The following TYW1B variants were observed in gnomAD, a reference collection of about 807,000 sequenced individuals.
TYW1B encodes the protein S-adenosyl-L-methionine-dependent tRNA 4-demethylwyosine synthase TYW1B.
Under a neutral mutation model 86.9 loss-of-function variants are expected in TYW1B, and 73 were observed. That is an observed-to-expected ratio of 0.84 (90% CI 0.70 to 1.02). The LOEUF (loss-of-function observed/expected upper bound fraction) is 1.02, where lower values mean the gene tolerates loss of function less well. Ranked by LOEUF, TYW1B falls within the 50% of genes least tolerant of loss-of-function variation. The probability of loss-of-function intolerance (pLI) is 0.00; values close to 1 mark genes in which losing one functional copy is unlikely to be tolerated. For missense variants in TYW1B, 637 were observed against 827.4 expected (o/e 0.77, Z 2.82); for synonymous variants, 248 against 292.8 (o/e 0.85, Z 1.56).
chr7:72,765,008 A>C (rs1787747603), intron 7 of TYW1B, among the ~76,000 whole-genome samples: 1 of 152,318 alleles, frequency 6.6e-6, no homozygotes, highest in African/African-American at 2.4e-5. Flanking sequence ...ATTTATATAA[A>C]TTCAATAAAA....
intron 13 of TYW1B, among the ~76,000 whole-genome samples, chr7:72,609,981 T>C (rs1435218793): frequency 1.3e-5 from 2 of 152,180 alleles, no homozygotes; most frequent in Non-Finnish European, 1.5e-5. Context: ...GAAGGGTATC[T>C]TGAATTTTAA....
At chr7:72,712,733 T>G (rs1380869463) in intron 10 of TYW1B, among the ~76,000 whole-genome samples, 1 of 152,180 alleles carries the variant, frequency 6.6e-6, no homozygotes, top group Non-Finnish European at 1.5e-5. Flanking sequence ...TCCTGCTGCT[T>G]CTTGTCTCCC....
At chr7:72,742,704 A>G (rs1181921240) in intron 8 of TYW1B, among the ~76,000 whole-genome samples, 1 of 152,154 alleles carries the variant, frequency 6.6e-6, no homozygotes, top group Non-Finnish European at 1.5e-5. Flanking sequence ...CTACTTGCTA[A>G]AATTTATTTG....
chr7:72,777,774 G>C (rs1243076630), intron 6 of TYW1B, among the ~76,000 whole-genome samples: 1 of 152,012 alleles, frequency 6.6e-6, no homozygotes, highest in Non-Finnish European at 1.5e-5. Flanking sequence ...AAATTAGCCG[G>C]GGATGGTGGC....
chr7:72,690,913 A>T (rs1814138753), intron 11 of TYW1B, among the ~76,000 whole-genome samples: 1 of 151,976 alleles, frequency 6.6e-6, no homozygotes, highest in South Asian at 2.1e-4. Flanking sequence ...ACTCCTGGCT[A>T]ATTGTTTTTT....
At chr7:72,654,476 A>C (rs1813150143) in intron 11 of TYW1B, among the ~76,000 whole-genome samples, 1 of 152,228 alleles carries the variant, frequency 6.6e-6, no homozygotes, top group Admixed American at 6.5e-5. Flanking sequence ...CTAAGGAAGT[A>C]AGTCCATTAA....
At chr7:72,720,300 A>G (rs1351854771) in intron 9 of TYW1B, among the ~76,000 whole-genome samples, 2 of 152,214 alleles carry the variant, frequency 1.3e-5, no homozygotes, top group Non-Finnish European at 2.9e-5. Flanking sequence ...GAGTCCTACA[A>G]CACTCACAGT....
intron 13 of TYW1B, among the ~76,000 whole-genome samples, chr7:72,591,119 G>A (rs1811385531): frequency 6.6e-6 from 1 of 151,122 alleles, no homozygotes; most frequent in Admixed American, 6.6e-5. Flanking sequence ...CTGAAAACAG[G>A]ACAATGGAAA....
At chr7:72,687,178 G>A (rs1814027231) in intron 11 of TYW1B, among the ~76,000 whole-genome samples, 1 of 152,214 alleles carries the variant, frequency 6.6e-6, no homozygotes, top group African/African-American at 2.4e-5. Context: ...GCTCACGCCT[G>A]TAATCCCAGA....
chr7:72,704,099 G>T (rs1814557931), intron 10 of TYW1B, among the ~76,000 whole-genome samples: 1 of 151,992 alleles, frequency 6.6e-6, no homozygotes, highest in Non-Finnish European at 1.5e-5. Context: ...GTTGTTATAT[G>T]ATTTTATGTT....
intron 2 of TYW1B, among the ~76,000 whole-genome samples, chr7:72,820,212 T>C (rs1788803551): frequency 6.6e-6 from 1 of 152,086 alleles, no homozygotes; most frequent in Non-Finnish European, 1.5e-5. Context: ...GAGGCGAAGG[T>C]TGCAGTGAGC....
intron 11 of TYW1B, among the ~76,000 whole-genome samples, chr7:72,654,725 A>G (rs1470829092): frequency 2.0e-5 from 3 of 152,130 alleles, no homozygotes; most frequent in African/African-American, 7.2e-5. Context: ...TACTGAAAAT[A>G]CAAACATTAG....
intron 10 of TYW1B, among the ~76,000 whole-genome samples, chr7:72,698,597 G>A (rs1293055540): frequency 6.8e-6 from 1 of 147,728 alleles, no homozygotes. Flanking sequence ...AGTGAGCCGA[G>A]ATCACGCCAC....
chr7:72,773,253 T>G (rs868972427), intron 7 of TYW1B, among the ~76,000 whole-genome samples: 2 of 152,188 alleles, frequency 1.3e-5, no homozygotes, highest in African/African-American at 4.8e-5. Flanking sequence ...CAGTGTACAG[T>G]TGCTGAAAAT....
At chr7:72,617,917 T>G (rs1554437219) in intron 12 of TYW1B, among the ~76,000 whole-genome samples, 1 of 152,172 alleles carries the variant, frequency 6.6e-6, no homozygotes, top group Non-Finnish European at 1.5e-5. Context: ...AAGTTCTTTA[T>G]TTGGTAAATT....
intron 5 of TYW1B, among the ~76,000 whole-genome samples, chr7:72,805,879 A>G (rs1453744517): frequency 6.6e-6 from 1 of 152,140 alleles, no homozygotes; most frequent in Admixed American, 6.6e-5. Context: ...TTGCTGCTGA[A>G]TTATGCAACT....
At chr7:72,724,533 A>G (rs562250714) in intron 9 of TYW1B, among the ~76,000 whole-genome samples, 6 of 152,280 alleles carry the variant, frequency 3.9e-5, no homozygotes, top group Middle Eastern at 3.4e-3. Flanking sequence ...TCTTATGCCT[A>G]CGTGCTGACC....
intron 11 of TYW1B, among the ~76,000 whole-genome samples, chr7:72,638,763 C>T (rs1354892077): frequency 1.3e-5 from 2 of 152,226 alleles, no homozygotes; most frequent in African/African-American, 2.4e-5. Flanking sequence ...AGAAAATCCA[C>T]TAATCAATCT....
chr7:72,642,082 C>A (rs114952080), intron 11 of TYW1B, among the ~76,000 whole-genome samples: 8 of 152,112 alleles, frequency 5.3e-5, no homozygotes, highest in Non-Finnish European at 8.8e-5. Context: ...ATACACTTAG[C>A]GGCCAATTGA....
Sources: allele counts gnomAD v4.1 joint callset (sites outside exome capture counted in the v4.1 genomes callset), GRCh38; gene constraint gnomAD v4.1.1; transcripts MANE v1.5; gene names NCBI Gene and HGNC (gene_info 2026-07-23, HGNC 2026-07-21).